Variants in ZNF454 observed in about 807,000 individuals in gnomAD.
The protein encoded by ZNF454 is zinc finger protein 454.
In ZNF454, 30 loss-of-function variants were observed where a neutral mutation model predicts 48.2. That is an observed-to-expected ratio of 0.62 (90% confidence interval 0.47 to 0.84). The LOEUF (loss-of-function observed/expected upper bound fraction) is 0.84, where lower values mean the gene tolerates loss of function less well. Among genes scored for constraint, ZNF454 ranks in the 40% least tolerant of loss-of-function variants. The probability of loss-of-function intolerance (pLI) is 0.00; values close to 1 mark genes in which losing one functional copy is unlikely to be tolerated. For missense variants in ZNF454, 510 were observed against 623.1 expected (o/e 0.82, Z 1.93); for synonymous variants, 204 against 211.4 (o/e 0.97, Z 0.30).
chr5:178,946,239 C>A lies in ZNF454; in HGVS notation c.34-120C>A. Reference sequence around the variant, plus strand: ...TGATGAACTTGTCACAGAACGCCAGCTCCCTGTGTGCCAGCAGTCCTGTAA... The same window carrying A: ...TGATGAACTTGTCACAGAACGCCAGATCCCTGTGTGCCAGCAGTCCTGTAA... On this transcript the variant is annotated intron_variant, in intron 2 of 4. Coordinates refer to ENST00000519564, the MANE Select transcript of ZNF454 (RefSeq NM_001178089.3). This position sits in a 1 kb window ranked among gnomAD's most constrained non-coding sequence, Gnocchi z 4.5. The A allele has an allele frequency of 1.4e-6, 2 of 1,387,796 alleles. No individual in the cohort carries two copies. Among genetic ancestry groups the A allele is most frequent in the East Asian group, 2.4e-5 (1 of 41,634 alleles). The allele number at this position is 1,387,796 out of a possible 1,614,324, so 86.0% of individuals were successfully genotyped here.
the ZNF454 span, among the ~76,000 whole-genome samples, chr5:178,976,374 A>G: frequency 6.6e-6 from 1 of 152,178 alleles, no homozygotes; most frequent in Non-Finnish European, 1.5e-5. Context: ...GTTCCTGTCT[A>G]TTTTGTCTGC....
the ZNF454 span, chr5:178,985,491 C>T: frequency 2.3e-5 from 8 of 342,534 alleles, no homozygotes; most frequent in African/African-American, 1.3e-4. Context: ...ATCACGAGGT[C>T]AGGAGATCGA....
In ZNF454 at chr5:178,966,067, G is replaced by T; in HGVS notation, c.*94G>T. The T allele has an allele frequency of 8.9e-7, 1 of 1,117,408 alleles. No individual in the cohort carries two copies. 69.2% of individuals were successfully genotyped at this position (1,117,408 alleles called of 1,614,324 possible). ...TTCTAGAGAATAACTATGAAAGCTT[G>T]CATCAAGATAGTCACTTTATTTACT... On this transcript the variant is annotated 3_prime_UTR_variant, in exon 5 of 5. Transcript: ENST00000519564.
At chr5:178,981,519 C>T in the ZNF454 span, 1 of 663,218 alleles carries the variant, frequency 1.5e-6, no homozygotes, top group Non-Finnish European at 2.6e-6. This position sits in a 1 kb window ranked among gnomAD's most constrained non-coding sequence, Gnocchi z 5.1. Context: ...CAAGGCCAGC[C>T]CCACCGACGC....
intron 2 of ZNF454, 61 bp downstream of exon 2, chr5:178,942,885 C>A (rs763068181): frequency 6.4e-7 from 1 of 1,567,944 alleles, no homozygotes; most frequent in Non-Finnish European, 8.7e-7. Context: ...GGCATGTTTG[C>A]TTCCTCAGAC....
chr5:178,945,063 G>A (rs367586415), intron 2 of ZNF454, among the ~76,000 whole-genome samples: 1 of 142,544 alleles, frequency 7.0e-6, no homozygotes, highest in Non-Finnish European at 1.6e-5. Flanking sequence ...GTGTCACAGG[G>A]TGTGTGTGGG....
chr5:178,967,406 C>G (rs902346059), downstream of ZNF454, among the ~76,000 whole-genome samples: 2 of 152,198 alleles, frequency 1.3e-5, no homozygotes, highest in Admixed American at 1.3e-4. Context: ...ATTTACTACT[C>G]CCAGGATAAA....
intron 4 of ZNF454, among the ~76,000 whole-genome samples, chr5:178,950,304 G>A (rs1005444837): frequency 4.0e-4 from 61 of 152,194 alleles, no homozygotes; most frequent in Non-Finnish European, 1.6e-4. Flanking sequence ...GATCAGCACC[G>A]TGCTGAGAGA....
intron 4 of ZNF454, among the ~76,000 whole-genome samples, chr5:178,959,415 G>C (rs1408539820): frequency 5.9e-5 from 9 of 152,102 alleles, no homozygotes; most frequent in Non-Finnish European, 1.3e-4. Flanking sequence ...GATTACTCGA[G>C]CATTATAATA....
downstream of ZNF454, among the ~76,000 whole-genome samples, chr5:178,971,373 T>C (rs1010289688): frequency 1.3e-5 from 2 of 152,084 alleles, no homozygotes; most frequent in Non-Finnish European, 2.9e-5. Flanking sequence ...GTTTGTGTCA[T>C]TTCAGTAAGC....
chr5:178,957,110 T>C (rs1759798385), intron 4 of ZNF454, among the ~76,000 whole-genome samples: 1 of 151,834 alleles, frequency 6.6e-6, no homozygotes, highest in South Asian at 2.1e-4. Flanking sequence ...TCTCGATCTC[T>C]TGACCTCGTG....
Position 178,942,699 on chromosome 5 carries a change from C to T in ZNF454, c.-93C>T, listed in dbSNP as rs1336065593. On this transcript the variant is annotated 5_prime_UTR_variant, in exon 2 of 5. Coordinates refer to ENST00000519564, the MANE Select transcript of ZNF454 (RefSeq NM_001178089.3). ...TCTCCTAATAGCAGGTGTGTGGACC[C>T]TTCTAGCCTGAGGAGTCCTGCAGGT... 1 of 1,454,778 alleles carries T rather than the reference C, an allele frequency of 6.9e-7. No individual in the cohort carries two copies. Among genetic ancestry groups the T allele is most frequent in the Admixed American group, 1.7e-5 (1 of 59,412 alleles). 90.1% of individuals were successfully genotyped at this position (1,454,778 alleles called of 1,614,324 possible).
the ZNF454 span, among the ~76,000 whole-genome samples, chr5:178,983,920 T>A: frequency 4.6e-5 from 7 of 152,080 alleles, no homozygotes; most frequent in African/African-American, 1.7e-4. Flanking sequence ...GAGCGCCTGA[T>A]TGGGGGCAGG....
chr5:178,986,163 C>T, the ZNF454 span: 2 of 1,613,758 alleles, frequency 1.2e-6, no homozygotes, highest in South Asian at 2.2e-5. Flanking sequence ...TGATGACCAG[C>T]TGTGAGGTGG....
the ZNF454 span, chr5:178,985,686 C>A: frequency 5.0e-6 from 2 of 396,696 alleles, no homozygotes; most frequent in Non-Finnish European, 9.7e-6. Context: ...CTGGGCGACA[C>A]AGCGAGACTC....
At chr5:178,972,797 G>A in the ZNF454 span, among the ~76,000 whole-genome samples, 1 of 152,188 alleles carries the variant, frequency 6.6e-6, no homozygotes, top group Non-Finnish European at 1.5e-5. Context: ...TGGGGGAAGG[G>A]CAGGCGGAGT....
chr5:178,987,311 T>C, the ZNF454 span: 1 of 512,636 alleles, frequency 2.0e-6, no homozygotes, highest in South Asian at 1.5e-5. Flanking sequence ...CACTCCCGGG[T>C]AGATACTCGA....
chr5:178,950,037 G>A (rs1174267592), intron 4 of ZNF454, among the ~76,000 whole-genome samples: 1 of 151,952 alleles, frequency 6.6e-6, no homozygotes, highest in African/African-American at 2.4e-5. Context: ...GGTTTAGAAT[G>A]CACACTTTTT....
chr5:178,951,927 C>G (rs1465468563), intron 4 of ZNF454, among the ~76,000 whole-genome samples: 1 of 152,124 alleles, frequency 6.6e-6, no homozygotes, highest in Non-Finnish European at 1.5e-5. Context: ...AATCCCTGCC[C>G]AAATTTGAAA....
Sources: allele counts gnomAD v4.1 joint callset (sites outside exome capture counted in the v4.1 genomes callset), GRCh38; gene constraint gnomAD v4.1.1; non-coding constraint Gnocchi (gnomAD v3.1); transcripts MANE v1.5; gene names NCBI Gene and HGNC (gene_info 2026-07-23, HGNC 2026-07-21).